ADGRB3: variants seen among roughly 807,000 people sequenced by gnomAD.
ADGRB3 encodes brain-specific angiogenesis inhibitor 3.
A neutral mutation model predicts 193.4 loss-of-function variants in ADGRB3; 37 were observed. That is an observed-to-expected ratio of 0.19 (90% CI 0.15 to 0.25). The LOEUF (loss-of-function observed/expected upper bound fraction) is 0.25. ADGRB3 is among the 10% of genes least tolerant of loss of function. ADGRB3 has a pLI of 1.00. For missense variants in ADGRB3, 1,637 were observed against 1,852.9 expected (o/e 0.88, Z 2.14); for synonymous variants, 690 against 644.2 (o/e 1.07, Z -1.08).
At chr6:69,207,047 T>C (rs1031012394) in intron 17 of ADGRB3, among the ~76,000 whole-genome samples, 1 of 152,194 alleles carries the variant, frequency 6.6e-6, no homozygotes, top group Non-Finnish European at 1.5e-5. Flanking sequence ...ACTGATTTCA[T>C]CTTGATAGTC....
At chr6:68,868,135 A>T (rs949660748) in intron 3 of ADGRB3, among the ~76,000 whole-genome samples, 1 of 152,214 alleles carries the variant, frequency 6.6e-6, no homozygotes, top group Non-Finnish European at 1.5e-5. Flanking sequence ...CCCAAATCTC[A>T]TGTTTAATTA....
intron 17 of ADGRB3, among the ~76,000 whole-genome samples, chr6:69,122,412 A>G (rs188870286): frequency 4.4e-4 from 60 of 137,414 alleles, no homozygotes; most frequent in African/African-American, 1.5e-3. Flanking sequence ...CCACGGCAGT[A>G]CAGTCCAGCC....
chr6:69,069,747 A>AAAAAAG (rs1554257227), intron 16 of ADGRB3, among the ~76,000 whole-genome samples: 5 of 115,436 alleles, frequency 4.3e-5, no homozygotes, highest in Non-Finnish European at 7.2e-5. Flanking sequence ...AAAAAAAAAA[A>AAAAAAG]AAAGAAAGAA....
intron 3 of ADGRB3, among the ~76,000 whole-genome samples, chr6:68,839,365 CAT>C (rs1361193818): frequency 6.6e-6 from 1 of 152,178 alleles, no homozygotes; most frequent in Non-Finnish European, 1.5e-5. Flanking sequence ...CATAGCTTCT[CAT>C]ATGGTGACTT....
chr6:69,169,525 C>A (rs1775219279), intron 17 of ADGRB3, among the ~76,000 whole-genome samples: 1 of 148,974 alleles, frequency 6.7e-6, no homozygotes, highest in Non-Finnish European at 1.5e-5. Flanking sequence ...ATATAATTAT[C>A]ATAATTAAAT....
chr6:69,260,433 G>A (rs764429930), intron 20 of ADGRB3, among the ~76,000 whole-genome samples: 1 of 152,124 alleles, frequency 6.6e-6, no homozygotes, highest in South Asian at 2.1e-4. Context: ...GCAGAAATAA[G>A]TATTAAATTT....
Position 69,388,801 on chromosome 6 carries a change from G to A in ADGRB3, c.4479G>A (p.Lys1493=). Reference sequence around the variant, plus strand: ...TCAATGTCTTAGACACAGAGGCAAAGGATGCTTTGGAACTGAGGCCAGCAG... The same window carrying A: ...TCAATGTCTTAGACACAGAGGCAAAAGATGCTTTGGAACTGAGGCCAGCAG... ...TTINVLDTEA[K]DALELRPAEW... Residue 1493 remains lysine (K), a synonymous_variant, in exon 32 of 32, where the codon AAG becomes AAA. Transcript: ENST00000370598. 2 of 1,613,532 alleles carry A rather than the reference G, an allele frequency of 1.2e-6. No homozygotes were observed. Among genetic ancestry groups the A allele is most frequent in the South Asian group, 1.1e-5 (1 of 91,080 alleles).
chr6:68,685,232 A>G (rs909247389), intron 3 of ADGRB3, among the ~76,000 whole-genome samples: 1 of 152,116 alleles, frequency 6.6e-6, no homozygotes, highest in Non-Finnish European at 1.5e-5. Flanking sequence ...TACCCTAAAA[A>G]TGAAGATTTT....
intron 17 of ADGRB3, among the ~76,000 whole-genome samples, chr6:69,173,589 C>T (rs1172026166): frequency 1.3e-5 from 2 of 151,012 alleles, no homozygotes; most frequent in Non-Finnish European, 2.9e-5. Flanking sequence ...CATTTTTACA[C>T]AATTAAAGGC....
chr6:69,372,321 G>A, intron 29 of ADGRB3, 85 bp from the exon 30 acceptor site: 1 of 737,578 alleles, frequency 1.4e-6, no homozygotes, highest in African/African-American at 1.9e-5. Flanking sequence ...TATCTTTAAT[G>A]AAAATGATGA....
At chr6:69,040,373 CTT>C (rs1562133264) in intron 13 of ADGRB3, among the ~76,000 whole-genome samples, 2,205 of 55,756 alleles carry the variant, frequency 0.04, 16 homozygotes, top group South Asian at 0.061. Context: ...TTCTTTCTTT[CTT>C]TCCTTCTCTC....
intron 3 of ADGRB3, among the ~76,000 whole-genome samples, chr6:68,754,520 T>C (rs1044932280): frequency 1.3e-5 from 2 of 152,204 alleles, no homozygotes; most frequent in African/African-American, 4.8e-5. Context: ...TGTATATTAT[T>C]TGTATTATTT....
chr6:68,806,934 CAT>C lies in ADGRB3; in HGVS notation c.758-123624_758-123623del, dbSNP rs141438121. On this transcript the variant is annotated intron_variant, in intron 3 of 31. Coordinates refer to ENST00000370598, the MANE Select transcript of ADGRB3 (RefSeq NM_001704.3). ...CAGAAACCTCGGATAAATTCTTAAA[CAT>C]GTGTTAAAGGTATGCATATCTTTAA... Among the ~76,000 whole-genome samples the C allele has an allele frequency of 3.3e-5, 5 of 152,178 alleles. No homozygotes were observed. The East Asian group carries it at 5.8e-4, about 18-fold the overall frequency.
intron 26 of ADGRB3, among the ~76,000 whole-genome samples, chr6:69,341,327 A>AT (rs1416387695): frequency 6.6e-6 from 1 of 152,136 alleles, no homozygotes; most frequent in East Asian, 1.9e-4. Context: ...ATGAGATGGT[A>AT]TTTCATTGTG....
At chr6:69,257,885 C>G (rs1766816237) in intron 20 of ADGRB3, among the ~76,000 whole-genome samples, 1 of 152,144 alleles carries the variant, frequency 6.6e-6, no homozygotes, top group Admixed American at 6.6e-5. Context: ...TGCAGTGTAG[C>G]TCATCACAGT....
chr6:68,863,562 C>A (rs949489698), intron 3 of ADGRB3, among the ~76,000 whole-genome samples: 3 of 151,884 alleles, frequency 2.0e-5, no homozygotes, highest in Non-Finnish European at 4.4e-5. Context: ...TAAATGATAT[C>A]CAATCAGTTT....
chr6:69,259,492 G>A (rs192966717), intron 20 of ADGRB3, among the ~76,000 whole-genome samples: 137 of 152,022 alleles, frequency 9.0e-4, no homozygotes, highest in South Asian at 1.9e-3. Context: ...CCAGGAGATC[G>A]AGACCATCCT....
chr6:68,738,892 A>G (rs899405492), intron 3 of ADGRB3, among the ~76,000 whole-genome samples: 1 of 152,176 alleles, frequency 6.6e-6, no homozygotes, highest in African/African-American at 2.4e-5. Flanking sequence ...AGTGATTGTA[A>G]ATAGAGAAGG....
chr6:69,010,773 TAA>T (rs10579619), intron 11 of ADGRB3, among the ~76,000 whole-genome samples: 87,195 of 135,968 alleles, frequency 0.64, 28,680 homozygotes, highest in African/African-American at 0.77. Flanking sequence ...CAAGGCTGAC[TAA>T]AAAAAAAAAA....
Sources: gnomAD v4.1 joint callset for allele counts (sites outside exome capture counted in the v4.1 genomes callset) on GRCh38, gnomAD v4.1.1 for gene constraint, MANE v1.5 for transcripts, NCBI Gene and HGNC (gene_info 2026-07-23, HGNC 2026-07-21) for gene names.